CCDC27: variants seen among roughly 807,000 people sequenced by gnomAD.
CCDC27 encodes coiled-coil domain-containing protein 27.
CCDC27 carries 80 observed loss-of-function variants against 80.3 expected under a neutral mutation model. The observed-to-expected ratio is 1.00, with a 90% confidence interval of 0.83 to 1.20. The LOEUF (loss-of-function observed/expected upper bound fraction) is 1.20. CCDC27 is among the 50% of genes most tolerant of loss of function. The pLI, the probability that CCDC27 is intolerant of heterozygous loss-of-function variation, is 0.00. For missense variants in CCDC27, 815 were observed against 809.4 expected (o/e 1.01, Z -0.08); for synonymous variants, 342 against 334.3 (o/e 1.02, Z -0.25).
Position 3,763,487 on chromosome 1 carries a change from C to CG in CCDC27, c.1321+19dup, listed in dbSNP as rs774510476. On this transcript the variant is annotated intron_variant, in intron 7 of 11. Coordinates refer to ENST00000294600, the MANE Select transcript of CCDC27 (RefSeq NM_152492.3). The surrounding 1 kb of genome is among the most constrained non-coding windows in gnomAD (Gnocchi z 7.5). ...TCCCTTGCAACAGGTAGGGCCTCGG[C>CG]GGGGGGCACTGGGCTTTGGCCACTC... is the stretch of plus-strand genomic sequence containing the variant. 66 of 1,577,862 alleles carry CG rather than the reference C, an allele frequency of 4.2e-5. No homozygotes were observed. Among genetic ancestry groups the CG allele is most frequent in the African/African-American group, 5.4e-5 (4 of 74,074 alleles).
rs745696281 is a variant in CCDC27 at position 3,763,360 on chromosome 1, C to G, written c.1207C>G (p.Leu403Val). 6.2e-7 allele frequency: 1 copy of G among 1,612,854 alleles called. No individual in the cohort carries two copies. The highest frequency in any genetic ancestry group is 1.3e-5 in the African/African-American group (1 of 74,892). ...GATCCCCAGGAGAAGGGCCTCCTCC[C>G]TGGCCGAGTCGTTTGAGGAGGAGCT... ...EEIPRRRASS[L>V]AESFEEELLA... The change falls in exon 7 of 12, where the codon CTG (leucine) becomes GTG (valine). Residue 403 changes from leucine (L) to valine (V), a missense_variant. Physicochemically the swap from Leu to Val is conservative, Grantham distance 32. Coordinates refer to ENST00000294600, the MANE Select transcript of CCDC27 (RefSeq NM_152492.3). The surrounding 1 kb of genome is among the most constrained non-coding windows in gnomAD (Gnocchi z 7.5).
At position 3,752,608 on chromosome 1, in the gene CCDC27, C is replaced by T. The variant is rs41315312; in HGVS notation, c.127C>T (p.Arg43Cys). The T allele has an allele frequency of 0.072, 116,427 of 1,614,064 alleles. 4,690 individuals carry two copies. The highest frequency in any genetic ancestry group is 0.13 in the South Asian group (11,881 of 91,088). The part of the protein sequence containing the change: ...QQSSLGLCIP[R>C]LMLPKEASPS... ...AAGCTCACTTGGTCTTTGCATCCCA[C>T]GCCTCATGTTACCTAAGGAGGCCAG... Residue 43 changes from arginine (R) to cysteine (C), a missense_variant, in exon 1 of 12, where the codon CGC becomes TGC. Transcript: ENST00000294600.
At position 3,763,293 on chromosome 1, in the gene CCDC27, G is replaced by A. The variant is rs1643138259; in HGVS notation, c.1140G>A (p.Arg380=). 6.2e-7 allele frequency: 1 copy of A among 1,602,274 alleles called. No homozygotes were observed. The change falls in exon 7 of 12, where the codon AGG becomes AGA. Residue 380 remains arginine (R), a synonymous_variant. Transcript: ENST00000294600. This position sits in a 1 kb window ranked among gnomAD's most constrained non-coding sequence, Gnocchi z 7.5. ...AGGAGGAAGAGGAGGAAGGGGACAG[G>A]GATGAGGACTCAGAGGAAAGGGAGC... ...SEEEEEEEGD[R]DEDSEERELP...
chr1:3,763,840 G>A lies in CCDC27; in HGVS notation c.1452+4G>A, dbSNP rs748586615. ...GCTACAAGCCATGACCGACAAGGTG[G>A]CCGTGCGCTCAGTACCGGCCTCCGC... On this transcript the variant is annotated splice_donor_region_variant and intron_variant, in intron 8 of 11. Coordinates refer to ENST00000294600, the MANE Select transcript of CCDC27 (RefSeq NM_152492.3). The surrounding 1 kb of genome is among the most constrained non-coding windows in gnomAD (Gnocchi z 7.5). 1.2e-6 allele frequency: 2 copies of A among 1,613,894 alleles called. No individual in the cohort carries two copies. The highest frequency in any genetic ancestry group is 2.2e-5 in the East Asian group (1 of 44,880).
intron 9 of CCDC27, 64 bp from the exon 10 acceptor site, chr1:3,767,169 G>A (rs1643246031): frequency 6.8e-6 from 10 of 1,477,958 alleles, no homozygotes; most frequent in Non-Finnish European, 9.4e-7. Context: ...AAGTGGATGG[G>A]TGCCACACAT....
rs776829663 is a variant in CCDC27 at position 3,763,525 on chromosome 1, C to T, written c.1321+51C>T. ...GCTTTGGCCACTCAGTGGTTCCCGG[C>T]CCAGGAGCTGGGACGCCCAGACGCT... On this transcript the variant is annotated intron_variant, in intron 7 of 11. Transcript: ENST00000294600. The surrounding 1 kb of genome is among the most constrained non-coding windows in gnomAD (Gnocchi z 7.5). 1.3e-6 allele frequency: 2 copies of T among 1,550,734 alleles called. No individual in the cohort carries two copies. The highest frequency in any genetic ancestry group is 1.7e-6 in the Non-Finnish European group (2 of 1,148,200).
chr1:3,752,772 G>C lies in CCDC27; in HGVS notation c.291G>C (p.Gln97His). 6.2e-7 allele frequency: 1 copy of C among 1,613,090 alleles called. No individual in the cohort carries two copies. The highest frequency in any genetic ancestry group is 8.5e-7 in the Non-Finnish European group (1 of 1,179,624). Residue 97 changes from glutamine to histidine, a missense_variant, in exon 1 of 12, where the codon CAG becomes CAC. Physicochemically the swap from Gln to His is conservative, Grantham distance 24. Transcript: ENST00000294600. ...CACGCACGCTCAGCAAGTCGGTCCAGACCATCAGCCGCTACTACAGGAAGA... is the reference window on the plus strand; with the variant it reads ...CACGCACGCTCAGCAAGTCGGTCCACACCATCAGCCGCTACTACAGGAAGA... ...QKPRTLSKSV[Q>H]TISRYYRKTS...
At chr1:3,767,500 C>A in intron 10 of CCDC27, 55 bp downstream of exon 10, 1 of 1,497,124 alleles carries the variant, frequency 6.7e-7, no homozygotes, top group Non-Finnish European at 9.1e-7. Context: ...GGCCGAGCAC[C>A]CAGGCCTCTG....
chr1:3,760,366 A>G lies in CCDC27; in HGVS notation c.712-915A>G, dbSNP rs1317381452. On this transcript the variant is annotated intron_variant, in intron 4 of 11. Transcript: ENST00000294600. This position sits in a 1 kb window ranked among gnomAD's most constrained non-coding sequence, Gnocchi z 4.3. Reference sequence around the variant, plus strand: ...CTCCTCTCTCCCTCTCTCCCTTCCTATATCATAAATTTTCACACCTATCTT... The same window carrying G: ...CTCCTCTCTCCCTCTCTCCCTTCCTGTATCATAAATTTTCACACCTATCTT... Among the ~76,000 whole-genome samples the G allele has an allele frequency of 2.6e-5, 4 of 151,224 alleles. No individual in the cohort carries two copies. Among genetic ancestry groups the G allele is most frequent in the East Asian group, 3.9e-4 (2 of 5,120 alleles).
At position 3,762,628 on chromosome 1, in the gene CCDC27, C is replaced by G; in HGVS notation, c.870C>G (p.Leu290=). The G allele has an allele frequency of 6.4e-7, 1 of 1,550,798 alleles. No individual in the cohort carries two copies. Among genetic ancestry groups the G allele is most frequent in the Non-Finnish European group, 8.7e-7 (1 of 1,146,794 alleles). ...TSMSPGRREQ[L]SDASLKLGRL... ...CCACGGGCGTCTTGCAGGAGCAGCT[C>G]TCAGACGCTTCGCTGAAGCTGGGCA... Residue 290 remains leucine (L), a synonymous_variant, in exon 6 of 12, where the codon CTC becomes CTG. Coordinates refer to ENST00000294600, the MANE Select transcript of CCDC27 (RefSeq NM_152492.3).
intron 4 of CCDC27, among the ~76,000 whole-genome samples, chr1:3,759,740 C>T (rs1038118664): frequency 2.0e-5 from 3 of 152,214 alleles, no homozygotes; most frequent in African/African-American, 7.2e-5. Context: ...TTTACTCCTG[C>T]AACTCTACCT....
Position 3,761,741 on chromosome 1 carries a change from C to T in CCDC27, c.861+311C>T, listed in dbSNP as rs568305979. On this transcript the variant is annotated intron_variant, in intron 5 of 11. Coordinates refer to ENST00000294600, the MANE Select transcript of CCDC27 (RefSeq NM_152492.3). This position sits in a 1 kb window ranked among gnomAD's most constrained non-coding sequence, Gnocchi z 5.0. ...GCACCTGCACCTGGCTTCTGACTTG[C>T]TTTCTGAATGGGGCAAGGCACAACG... Among the ~76,000 whole-genome samples, 106 of 152,186 alleles carry T rather than the reference C, an allele frequency of 7.0e-4. No homozygotes were observed. Among genetic ancestry groups the T allele is most frequent in the Non-Finnish European group, 1.2e-3 (83 of 68,030 alleles).
chr1:3,754,806 G>A (rs1280016056), intron 2 of CCDC27, among the ~76,000 whole-genome samples: 1 of 140,676 alleles, frequency 7.1e-6, no homozygotes, highest in Admixed American at 7.3e-5. Flanking sequence ...TAGGGATGGC[G>A]AGCTTGAGCT....
chr1:3,759,878 C>G (rs1415980366), intron 4 of CCDC27, among the ~76,000 whole-genome samples: 4 of 152,194 alleles, frequency 2.6e-5, no homozygotes. Flanking sequence ...GTTATTCATG[C>G]AGGCAGCAGG....
Position 3,755,531 on chromosome 1 carries a change from T to C in CCDC27, c.517T>C (p.Phe173Leu). ...SETWRGTQDL[F>L]LARRGSDTNV... ...GACCTGGAGAGGCACCCAGGACCTGTTCTTGGCCAGGCGGGGCTCAGACAC... is the reference window on the plus strand; with the variant it reads ...GACCTGGAGAGGCACCCAGGACCTGCTCTTGGCCAGGCGGGGCTCAGACAC... Residue 173 changes from phenylalanine (F) to leucine (L), a missense_variant, in exon 3 of 12, where the codon TTC (phenylalanine) becomes CTC (leucine). By Grantham distance (22) the Phe-to-Leu change is conservative (BLOSUM62 0). Transcript: ENST00000294600. The C allele has an allele frequency of 1.2e-6, 2 of 1,614,110 alleles. No homozygotes were observed. Among genetic ancestry groups the C allele is most frequent in the Non-Finnish European group, 1.7e-6 (2 of 1,180,012 alleles).
At chr1:3,765,915 C>G (rs1406073779) in intron 8 of CCDC27, among the ~76,000 whole-genome samples, 1 of 150,688 alleles carries the variant, frequency 6.6e-6, no homozygotes, top group East Asian at 1.9e-4. Context: ...GTCACCCAGG[C>G]TGGAGTTCAG....
rs958919612 is a variant in CCDC27, at chr1:3,763,595, C to T, written c.1322-111C>T. 32 of 1,563,330 alleles carry T rather than the reference C, an allele frequency of 2.0e-5. 1 individual carries two copies. Among genetic ancestry groups the T allele is most frequent in the East Asian group, 1.4e-4 (6 of 44,376 alleles). On this transcript the variant is annotated intron_variant, in intron 7 of 11. Transcript: ENST00000294600. The surrounding 1 kb of genome is among the most constrained non-coding windows in gnomAD (Gnocchi z 7.5). ...CTGGAGCAGGGGCAGGTGTCGGCAG[C>T]CTCACCCAGGCTGGCAGAGCCCTCC...
Position 3,763,136 on chromosome 1 carries a change from G to A in CCDC27, c.983G>A (p.Arg328Lys), listed in dbSNP as rs1165979207. Residue 328 changes from arginine (R) to lysine (K), a missense_variant, in exon 7 of 12, where the codon AGG becomes AAG. By Grantham distance (26) the Arg-to-Lys change is conservative. Coordinates refer to ENST00000294600, the MANE Select transcript of CCDC27 (RefSeq NM_152492.3). This position sits in a 1 kb window ranked among gnomAD's most constrained non-coding sequence, Gnocchi z 7.5. Reference sequence around the variant, plus strand: ...CAGGAGGAGTCTGCGGCACCGGAGAGGGGCAAGGAGCCCGACCTGGGAGGT... The same window carrying A: ...CAGGAGGAGTCTGCGGCACCGGAGAAGGGCAAGGAGCCCGACCTGGGAGGT... ...QMQEESAAPERGKEPDLGGGE... is the reference protein window; with the variant it reads ...QMQEESAAPEKGKEPDLGGGE... 1.3e-6 allele frequency: 2 copies of A among 1,483,428 alleles called. No individual in the cohort carries two copies. Among genetic ancestry groups the A allele is most frequent in the Non-Finnish European group, 9.0e-7 (1 of 1,116,830 alleles). The allele number at this position is 1,483,428 out of a possible 1,614,324, so 91.9% of individuals were successfully genotyped here.
In CCDC27 at chr1:3,766,837, CTTTTT is replaced by C. The variant is rs34635257; in HGVS notation, c.1530+243_1530+247del. Among the ~76,000 whole-genome samples the C allele has an allele frequency of 9.5e-6, 1 of 105,464 alleles. No individual in the cohort carries two copies. Among genetic ancestry groups the C allele is most frequent in the Non-Finnish European group, 1.8e-5 (1 of 55,866 alleles). The allele number at this position is 105,464 out of a possible 152,430, so 69.2% of individuals were successfully genotyped here. A position where few individuals can be genotyped will look rare whatever the true frequency, so the allele number is the denominator to read the frequency against. On this transcript the variant is annotated intron_variant, in intron 9 of 11. Coordinates refer to ENST00000294600, the MANE Select transcript of CCDC27 (RefSeq NM_152492.3). This position sits in a 1 kb window ranked among gnomAD's most constrained non-coding sequence, Gnocchi z 6.1. ...AGGGACCCAGCAAGCGTTCCCAGTC[CTTTTT>C]TTTTTTTTTTTTTTTTTGAGACAGA...
Sources: gnomAD v4.1 joint callset for allele counts (sites outside exome capture counted in the v4.1 genomes callset) on GRCh38, gnomAD v4.1.1 for gene constraint, Gnocchi (gnomAD v3.1) non-coding constraint, MANE v1.5 for transcripts, NCBI Gene and HGNC (gene_info 2026-07-23, HGNC 2026-07-21) for gene names.